Variants in DGKA observed in about 807,000 individuals in gnomAD.
DGKA encodes 80 kDa diacylglycerol kinase.
In DGKA, 35 loss-of-function variants were observed where a neutral mutation model predicts 105.0. The observed-to-expected ratio is 0.33, with a 90% CI of 0.25 to 0.44. The LOEUF is 0.44. Among genes scored for constraint, DGKA ranks in the 20% least tolerant of loss-of-function variants. DGKA has a pLI of 1.00. For missense variants in DGKA, 665 were observed against 915.0 expected (o/e 0.73, Z 3.53); for synonymous variants, 296 against 332.0 (o/e 0.89, Z 1.18).
rs1885635237 is a variant in DGKA at position 55,940,325 on chromosome 12, T to C, written c.810T>C (p.His270=). Residue 270 remains histidine (H), a synonymous_variant, in exon 11 of 24, where the codon CAT becomes CAC. Coordinates refer to ENST00000331886, the MANE Select transcript of DGKA (RefSeq NM_001345.5). This position sits in a 1 kb window ranked among gnomAD's most constrained non-coding sequence, Gnocchi z 4.3. Reference sequence around the variant, plus strand: ...CCTTTCTCCCCAAGGTCCAATCACATGTGTGGGTGCGAGGAGGCTGTGAGT... The same window carrying C: ...CCTTTCTCCCCAAGGTCCAATCACACGTGTGGGTGCGAGGAGGCTGTGAGT... ...KSRKDIGVQS[H]VWVRGGCESG... 3 of 1,614,160 alleles carry C rather than the reference T, an allele frequency of 1.9e-6. No individual in the cohort carries two copies. The highest frequency in any genetic ancestry group is 2.2e-5 in the East Asian group (1 of 44,882).
At chr12:55,948,560 T>C (rs1887513100) in intron 17 of DGKA, among the ~76,000 whole-genome samples, 1 of 151,110 alleles carries the variant, frequency 6.6e-6, no homozygotes, top group South Asian at 2.1e-4. Context: ...AGACCTCATC[T>C]CTATGAAAAA....
chr12:55,935,737 C>T, intron 1 of DGKA: 1 of 267,770 alleles, frequency 3.7e-6, no homozygotes, highest in Non-Finnish European at 5.8e-6. Flanking sequence ...CCCTACCCCG[C>T]GCCTAGTTCC....
At chr12:55,941,927 C>A in intron 15 of DGKA, 71 bp from the exon 16 acceptor site, 1 of 1,498,390 alleles carries the variant, frequency 6.7e-7, no homozygotes, top group Non-Finnish European at 9.3e-7. Context: ...AAGAAGCAAT[C>A]TGCCTGCTCA....
chr12:55,930,966 A>C (rs780775796), upstream of DGKA: 3 of 152,076 alleles, frequency 2.0e-5, no homozygotes, highest in African/African-American at 7.2e-5. Context: ...GTGTGTATGT[A>C]TGCATACACA....
In DGKA at chr12:55,940,790, G is replaced by T. The variant is rs1159471355; in HGVS notation, c.1017+68G>T. The T allele has an allele frequency of 1.2e-6, 2 of 1,601,152 alleles. No individual in the cohort carries two copies. ...CCCGATTTCCCACACGCACAGAGTGGCATTTAGAATAGAGAGCTCATACTT... is the reference window on the plus strand; with the variant it reads ...CCCGATTTCCCACACGCACAGAGTGTCATTTAGAATAGAGAGCTCATACTT... On this transcript the variant is annotated intron_variant, in intron 12 of 23. Transcript: ENST00000331886. The surrounding 1 kb of genome is among the most constrained non-coding windows in gnomAD (Gnocchi z 4.3).
intron 15 of DGKA, 21 bp from the exon 16 acceptor site, chr12:55,941,977 T>C: frequency 6.2e-7 from 1 of 1,613,512 alleles, no homozygotes. Context: ...TTCTTCATAT[T>C]CTCTCTCCCC....
In DGKA at chr12:55,932,715, A is replaced by G. The variant is rs61276815; in HGVS notation, c.-82+1371A>G. 16,504 of 455,408 alleles carry G rather than the reference A, an allele frequency of 0.036. 141 individuals carry two copies. The highest frequency in any genetic ancestry group is 0.08 in the African/African-American group (2,818 of 35,430). The allele number at this position is 455,408 out of a possible 1,614,324, so 28.2% of individuals were successfully genotyped here. ...TCTACACACACACACACACGCACAC[A>G]CACACACACACACACACACACACAC... On this transcript the variant is annotated intron_variant, in intron 1 of 23. Transcript: ENST00000331886. This position sits in a 1 kb window ranked among gnomAD's most constrained non-coding sequence, Gnocchi z 4.3.
chr12:55,934,293 A>C (rs1592664552), intron 1 of DGKA, among the ~76,000 whole-genome samples: 1 of 152,316 alleles, frequency 6.6e-6, no homozygotes, highest in Non-Finnish European at 1.5e-5. Flanking sequence ...CCCCAGGGGT[A>C]ATCAGAGAGG....
At position 55,937,476 on chromosome 12, in the gene DGKA, C is replaced by T. The variant is rs933377724; in HGVS notation, c.207C>T (p.His69=). ...IYLEVDNVPR[H]LSLALFQSFE... ...TCGAAGTGGATAATGTTCCCAGACA[C>T]CTAAGCCTGGCACTGTTTCAATCCT... Residue 69 remains histidine, a synonymous_variant, in exon 4 of 24, where the codon CAC becomes CAT. Transcript: ENST00000331886. 2 of 1,614,038 alleles carry T rather than the reference C, an allele frequency of 1.2e-6. No homozygotes were observed. The highest frequency in any genetic ancestry group is 1.7e-6 in the Non-Finnish European group (2 of 1,180,046).
chr12:55,952,662 T>G lies in DGKA; in HGVS notation c.1744-72T>G. 6.4e-7 allele frequency: 1 copy of G among 1,553,848 alleles called. No individual in the cohort carries two copies. The highest frequency in any genetic ancestry group is 8.9e-7 in the Non-Finnish European group (1 of 1,129,690). On this transcript the variant is annotated intron_variant, in intron 20 of 23. Coordinates refer to ENST00000331886, the MANE Select transcript of DGKA (RefSeq NM_001345.5). The surrounding 1 kb of genome is among the most constrained non-coding windows in gnomAD (Gnocchi z 5.1). ...GTTTGTCATCTGGTGGAGGGAGCGA[T>G]CACATCTATGATCATGCCATGAGGT...
At chr12:55,931,932 G>C (rs187464519) in intron 1 of DGKA, 7 of 150,680 alleles carry the variant, frequency 4.6e-5, no homozygotes, top group Non-Finnish European at 8.9e-5. Context: ...CTCCAACTTC[G>C]AAGTTCCCAG....
At chr12:55,938,276 C>T (rs1433356839) in intron 5 of DGKA, 6 of 670,018 alleles carry the variant, frequency 9.0e-6, no homozygotes, top group South Asian at 1.9e-5. Flanking sequence ...CCCATGTAGG[C>T]GGCCTAGGAT....
chr12:55,938,489 G>C, intron 5 of DGKA, 22 bp from the exon 6 acceptor site: 1 of 1,613,504 alleles, frequency 6.2e-7, no homozygotes, highest in Non-Finnish European at 8.5e-7. Flanking sequence ...ACTGACCCTG[G>C]CCCCCCTAAA....
chr12:55,933,981 G>A (rs889083170), intron 1 of DGKA, among the ~76,000 whole-genome samples: 1 of 152,084 alleles, frequency 6.6e-6, no homozygotes, highest in African/African-American at 2.4e-5. Context: ...ATTTCTGTAG[G>A]TGCCCACTTT....
In DGKA at chr12:55,937,081, C is replaced by G. The variant is rs7966319; in HGVS notation, c.129C>G (p.Val43=). The G allele has an allele frequency of 3.7e-4, 602 of 1,614,062 alleles. 1 individual carries two copies. In the African/African-American group the frequency reaches 7.3e-3, roughly 20 times the overall value. The change falls in exon 3 of 24, where the codon GTC becomes GTG. Residue 43 remains valine (V), a synonymous_variant. Transcript: ENST00000331886. Reference sequence around the variant, plus strand: ...AGGATGGCGAGATGGCTAAATATGTCCAAGGAGATGTGAGTGGCAGCTGGG... The same window carrying G: ...AGGATGGCGAGATGGCTAAATATGTGCAAGGAGATGTGAGTGGCAGCTGGG... The part of the protein sequence containing the change: ...LFEDGEMAKY[V]QGDAIGYEGF...
At chr12:55,938,111 C>T in intron 5 of DGKA, 59 bp downstream of exon 5, 1 of 1,459,602 alleles carries the variant, frequency 6.9e-7, no homozygotes, top group Non-Finnish European at 9.6e-7. Flanking sequence ...AGGTGTTTCC[C>T]ATCCTCCTTT....
At chr12:55,948,361 A>G (rs905859405) in intron 17 of DGKA, among the ~76,000 whole-genome samples, 2 of 150,912 alleles carry the variant, frequency 1.3e-5, no homozygotes, top group African/African-American at 4.9e-5. Context: ...AGATCATGCC[A>G]CTGCACTTCA....
chr12:55,940,029 G>A lies in DGKA; in HGVS notation c.710-53G>A. ...TCCTGCCTCACCCTCAGGTAAGAAG[G>A]AAATAGGGGGAGAGGCTCAGCTAAG... On this transcript the variant is annotated intron_variant, in intron 9 of 23. Transcript: ENST00000331886. The surrounding 1 kb of genome is among the most constrained non-coding windows in gnomAD (Gnocchi z 4.3). 1 of 1,500,612 alleles carries A rather than the reference G, an allele frequency of 6.7e-7. No individual in the cohort carries two copies. The highest frequency in any genetic ancestry group is 1.1e-5 in the South Asian group (1 of 88,446). The allele number at this position is 1,500,612 out of a possible 1,614,324, so 93.0% of individuals were successfully genotyped here.
chr12:55,944,989 G>A (rs923386493), intron 17 of DGKA, among the ~76,000 whole-genome samples: 7 of 152,062 alleles, frequency 4.6e-5, no homozygotes, highest in Non-Finnish European at 8.8e-5. Context: ...AAGTGGAGAC[G>A]AGATTTCACC....
Sources: gnomAD v4.1 joint callset for allele counts (sites outside exome capture counted in the v4.1 genomes callset) on GRCh38, gnomAD v4.1.1 for gene constraint, Gnocchi (gnomAD v3.1) non-coding constraint, MANE v1.5 for transcripts, NCBI Gene and HGNC (gene_info 2026-07-23, HGNC 2026-07-21) for gene names.